The following DNAJC5B variants were observed in gnomAD, a reference collection of about 807,000 sequenced individuals.
The protein encoded by DNAJC5B is dnaJ homolog subfamily C member 5B.
In DNAJC5B, 23 loss-of-function variants were observed where a neutral mutation model predicts 24.7. The observed-to-expected ratio is 0.93, with a 90% CI of 0.67 to 1.32. The LOEUF (loss-of-function observed/expected upper bound fraction) is 1.32, where lower values mean the gene tolerates loss of function less well. Among genes scored for constraint, DNAJC5B ranks in the 40% most tolerant of loss-of-function variants. The pLI is 0.00. For missense variants in DNAJC5B, 238 were observed against 240.8 expected (o/e 0.99, Z 0.08); for synonymous variants, 101 against 90.1 (o/e 1.12, Z -0.68).
chr8:66,088,218 T>C (rs1358250559), intron 5 of DNAJC5B, among the ~76,000 whole-genome samples: 2 of 152,170 alleles, frequency 1.3e-5, no homozygotes, highest in Non-Finnish European at 2.9e-5. Flanking sequence ...GCAATAGCCT[T>C]AGCTGTACCT....
chr8:66,021,605 GA>G lies in DNAJC5B; in HGVS notation c.-240del, dbSNP rs1806123957. 2 of 152,336 alleles carry G rather than the reference GA, an allele frequency of 1.3e-5. No homozygotes were observed. The highest frequency in any genetic ancestry group is 4.8e-5 in the African/African-American group (2 of 41,474). 9.4% of individuals were successfully genotyped at this position (152,336 alleles called of 1,614,324 possible). A position where few individuals can be genotyped will look rare whatever the true frequency, so the allele number is the denominator to read the frequency against. On this transcript the variant is annotated 5_prime_UTR_variant, in exon 1 of 6. Transcript: ENST00000276570. Reference sequence around the variant, plus strand: ...GGTGGGACACTACTGGAGGGAGCTAGAAGGGATCAGCCAGCCATGCCTCCAG... The same window carrying G: ...GGTGGGACACTACTGGAGGGAGCTAGAGGGATCAGCCAGCCATGCCTCCAG...
Position 66,080,553 on chromosome 8 carries a change from G to A in DNAJC5B, c.505+5G>A. ...TCAAGTCTGACATGGAAAAAGGTGG[G>A]GTAGGATGAGAGCAGAGGTAGTGAG... On this transcript the variant is annotated splice_donor_5th_base_variant and intron_variant, in intron 5 of 5. Transcript: ENST00000276570. 1 of 1,598,270 alleles carries A rather than the reference G, an allele frequency of 6.3e-7. No individual in the cohort carries two copies.
rs189229409 is a variant in DNAJC5B, at chr8:66,084,578, C to T, written c.505+4030C>T. Among the ~76,000 whole-genome samples the T allele has an allele frequency of 2.0e-5, 3 of 152,216 alleles. No individual in the cohort carries two copies. In the East Asian group the frequency reaches 5.8e-4, roughly 29 times the overall value. The stretch of plus-strand genomic sequence containing the variant: ...AGGCAGCTGCTCAGTTGAAAGCCGC[C>T]TGTGGTGGGGAGGTTTAGGACTTTG... On this transcript the variant is annotated intron_variant, in intron 5 of 5. Coordinates refer to ENST00000276570, the MANE Select transcript of DNAJC5B (RefSeq NM_033105.6).
intron 3 of DNAJC5B, 47 bp from the exon 4 acceptor site, chr8:66,076,613 T>A: frequency 6.2e-7 from 1 of 1,603,706 alleles, no homozygotes; most frequent in Non-Finnish European, 8.5e-7. Context: ...CCATGGTTCA[T>A]TCTTGTCAAA....
intron 1 of DNAJC5B, among the ~76,000 whole-genome samples, chr8:66,032,068 G>C (rs555709092): frequency 1.4e-4 from 21 of 152,220 alleles, no homozygotes; most frequent in African/African-American, 5.1e-4. Flanking sequence ...GCACATTTTA[G>C]AGATGAAGAA....
At chr8:66,058,698 T>A (rs1807018463) in intron 3 of DNAJC5B, among the ~76,000 whole-genome samples, 1 of 152,260 alleles carries the variant, frequency 6.6e-6, no homozygotes. Context: ...ATCTTTATCA[T>A]AGAGTCTTCC....
chr8:66,084,899 A>G (rs1807686880), intron 5 of DNAJC5B, among the ~76,000 whole-genome samples: 1 of 152,198 alleles, frequency 6.6e-6, no homozygotes, highest in Admixed American at 6.5e-5. Context: ...ACTTTATGTC[A>G]TAAAGACTTT....
Position 66,076,651 on chromosome 8 carries a change from T to G in DNAJC5B, c.120-9T>G, listed in dbSNP as rs1418147584. 6.2e-7 allele frequency: 1 copy of G among 1,613,458 alleles called. No homozygotes were observed. The highest frequency in any genetic ancestry group is 1.7e-5 in the Admixed American group (1 of 59,910). On this transcript the variant is annotated splice_polypyrimidine_tract_variant and intron_variant, in intron 3 of 5. Coordinates refer to ENST00000276570, the MANE Select transcript of DNAJC5B (RefSeq NM_033105.6). ...ACACACTCTCCTTGTTTTTCTTTTA[T>G]TTTAAAAGAAAATTGGCCCTGAAAC...
chr8:66,041,519 A>T (rs1806607829), intron 1 of DNAJC5B, among the ~76,000 whole-genome samples: 1 of 152,226 alleles, frequency 6.6e-6, no homozygotes. Context: ...AAATAGAGAA[A>T]ACAAGGGAAA....
At chr8:66,036,723 G>A (rs965921929) in intron 1 of DNAJC5B, among the ~76,000 whole-genome samples, 1 of 152,290 alleles carries the variant, frequency 6.6e-6, no homozygotes, top group Non-Finnish European at 1.5e-5. Context: ...CCTTGCTTTA[G>A]GACTGAAATC....
intron 3 of DNAJC5B, among the ~76,000 whole-genome samples, chr8:66,073,202 A>G (rs1426620934): frequency 6.6e-6 from 1 of 152,160 alleles, no homozygotes; most frequent in Non-Finnish European, 1.5e-5. Flanking sequence ...AAATCAACAT[A>G]CAACAATTAT....
At chr8:66,079,984 T>C (rs1023078207) in intron 4 of DNAJC5B, among the ~76,000 whole-genome samples, 1 of 152,126 alleles carries the variant, frequency 6.6e-6, no homozygotes, top group Non-Finnish European at 1.5e-5. Context: ...GTGAGAATGA[T>C]TCAGCTCCCC....
intron 5 of DNAJC5B, among the ~76,000 whole-genome samples, chr8:66,091,895 G>A (rs1437761096): frequency 6.6e-6 from 1 of 152,150 alleles, no homozygotes; most frequent in Admixed American, 6.5e-5. Context: ...GATCATGCTA[G>A]ATGGAAGAAA....
At chr8:66,083,619 A>G (rs1388330311) in intron 5 of DNAJC5B, among the ~76,000 whole-genome samples, 1 of 152,182 alleles carries the variant, frequency 6.6e-6, no homozygotes, top group African/African-American at 2.4e-5. Context: ...ACACATTCAC[A>G]TTTTGTAACA....
chr8:66,052,133 T>C (rs1272972853), intron 3 of DNAJC5B, among the ~76,000 whole-genome samples: 1 of 151,472 alleles, frequency 6.6e-6, no homozygotes, highest in Non-Finnish European at 1.5e-5. Context: ...TTTTTTTTTT[T>C]TTTTAGTAGA....
chr8:66,082,064 C>T (rs1299497611), intron 5 of DNAJC5B, among the ~76,000 whole-genome samples: 4 of 152,030 alleles, frequency 2.6e-5, no homozygotes, highest in Non-Finnish European at 5.9e-5. Flanking sequence ...AATGACAATC[C>T]TAGCATCTGA....
intron 5 of DNAJC5B, among the ~76,000 whole-genome samples, chr8:66,085,804 T>G (rs1807711881): frequency 6.6e-6 from 1 of 152,152 alleles, no homozygotes; most frequent in African/African-American, 2.4e-5. Flanking sequence ...ATATAAATTT[T>G]AGAATCAAGT....
At chr8:66,023,400 A>G (rs1337364475) in intron 1 of DNAJC5B, among the ~76,000 whole-genome samples, 6 of 152,324 alleles carry the variant, frequency 3.9e-5, no homozygotes, top group African/African-American at 1.4e-4. Flanking sequence ...TTGGTCAATG[A>G]CAAGAAAAAG....
chr8:66,048,827 G>T (rs894224277), intron 2 of DNAJC5B, among the ~76,000 whole-genome samples: 1 of 152,130 alleles, frequency 6.6e-6, no homozygotes, highest in Admixed American at 6.6e-5. Context: ...TTTCTGCGAG[G>T]CCATCCCCTC....
Sources: allele counts gnomAD v4.1 joint callset (sites outside exome capture counted in the v4.1 genomes callset), GRCh38; gene constraint gnomAD v4.1.1; transcripts MANE v1.5; gene names NCBI Gene and HGNC (gene_info 2026-07-23, HGNC 2026-07-21).